The following CFAP47 variants were observed in gnomAD, a reference collection of about 807,000 sequenced individuals.
CFAP47 encodes the protein cilia and flagella associated protein 47, also known as cilia- and flagella-associated protein 47.
CFAP47 carries 29 observed loss-of-function variants against 148.1 expected under a neutral mutation model. The observed-to-expected ratio is 0.20, with a 90% CI of 0.15 to 0.27. The LOEUF (loss-of-function observed/expected upper bound fraction) is 0.27. Ranked by LOEUF, CFAP47 falls within the 10% of genes least tolerant of loss-of-function variation. CFAP47 has a pLI of 1.00. For synonymous variants in CFAP47, 664 were observed against 577.3 expected (o/e 1.15, Z -2.15); for missense variants, 1,872 against 1,697.5 (o/e 1.10, Z -1.81).
chrX:36,258,891 A>C (rs1366620866), intron 49 of CFAP47, among the ~76,000 whole-genome samples: 1 of 112,007 alleles, frequency 8.9e-6, no homozygotes, highest in East Asian at 2.8e-4. Flanking sequence ...GAAGGCAGTA[A>C]ATAAATATTA....
At chrX:35,951,068 A>C in intron 4 of CFAP47, 63 bp from the exon 5 acceptor site, 2 of 838,671 alleles carry the variant, frequency 2.4e-6, no homozygotes, top group Non-Finnish European at 3.4e-6. Flanking sequence ...TGTGGGAGAA[A>C]AACAAAGTAT....
intron 39 of CFAP47, among the ~76,000 whole-genome samples, chrX:36,171,401 G>T (rs1027709451): frequency 1.4e-4 from 16 of 110,395 alleles, no homozygotes; most frequent in Non-Finnish European, 2.5e-4. Context: ...GTAATGCCTA[G>T]GTTTTCTTCT....
At chrX:36,059,146 A>G (rs1296871188) in intron 26 of CFAP47, among the ~76,000 whole-genome samples, 2 of 111,913 alleles carry the variant, frequency 1.8e-5, no homozygotes, top group Non-Finnish European at 3.8e-5. Context: ...TAAAAAAATT[A>G]GAATCGAGCC....
chrX:36,175,243 T>C (rs776636768), intron 39 of CFAP47, among the ~76,000 whole-genome samples: 31 of 111,947 alleles, frequency 2.8e-4, no homozygotes, highest in African/African-American at 9.7e-4. Context: ...GCCTTTGGTT[T>C]GAATGTCCTC....
At chrX:36,217,414 C>T (rs1319617292) in intron 45 of CFAP47, among the ~76,000 whole-genome samples, 3 of 110,648 alleles carry the variant, frequency 2.7e-5, no homozygotes, top group Non-Finnish European at 3.8e-5. Flanking sequence ...GTGGAATTGG[C>T]GTCTTTTATA....
intron 39 of CFAP47, among the ~76,000 whole-genome samples, chrX:36,174,271 C>G (rs1235035355): frequency 2.7e-5 from 3 of 110,622 alleles, no homozygotes; most frequent in South Asian, 4.0e-4. Flanking sequence ...CAGTCTGTGT[C>G]TTTTAATTGG....
chrX:36,311,419 T>A (rs1471629160), intron 56 of CFAP47, among the ~76,000 whole-genome samples: 1 of 111,137 alleles, frequency 9.0e-6, no homozygotes, highest in Non-Finnish European at 1.9e-5. Flanking sequence ...GTCCCTTTTT[T>A]ATGCCATATT....
intron 1 of CFAP47, among the ~76,000 whole-genome samples, chrX:35,920,764 G>A (rs1056387389): frequency 8.1e-5 from 9 of 111,752 alleles, no homozygotes; most frequent in East Asian, 2.8e-4. Flanking sequence ...TAGGAAATGC[G>A]ATAAGAATTT....
rs1556007357 is a variant in CFAP47 at position 36,299,128 on chromosome X, C to A, written c.7838C>A (p.Ala2613Glu). 5 of 1,074,256 alleles carry A rather than the reference C, an allele frequency of 4.7e-6. No individual in the cohort carries two copies. Among genetic ancestry groups the A allele is most frequent in the Non-Finnish European group, 6.2e-6 (5 of 812,345 alleles). 88.5% of individuals were successfully genotyped at this position (1,074,256 alleles called of 1,213,427 possible). The change falls in exon 52 of 64, where the codon GCA becomes GAA. Residue 2613 changes from alanine (A) to glutamate (E), a missense_variant. Transcript: ENST00000378653. ...CTKYIVWYSP[A>E]TTGYSDESII... ...AAATATATTGTATGGTATTCTCCAG[C>A]AACTACAGGCTACAGCGATGAAAGG...
intron 62 of CFAP47, among the ~76,000 whole-genome samples, chrX:36,369,252 TA>T (rs1266616829): frequency 8.8e-4 from 96 of 109,221 alleles, no homozygotes; most frequent in Non-Finnish European, 1.6e-3. Flanking sequence ...ATTCAAAATA[TA>T]AAAAAAAACA....
intron 1 of CFAP47, among the ~76,000 whole-genome samples, chrX:35,922,545 A>G (rs1394102154): frequency 3.5e-5 from 4 of 112,872 alleles, no homozygotes; most frequent in Admixed American, 2.8e-4. Flanking sequence ...AAGATAGTCA[A>G]ACCTGATATG....
At chrX:36,082,234 G>A (rs1273153221) in intron 29 of CFAP47, among the ~76,000 whole-genome samples, 2 of 110,621 alleles carry the variant, frequency 1.8e-5, no homozygotes, top group East Asian at 5.7e-4. Context: ...AATATAACAG[G>A]CCTGAGATAA....
At chrX:36,232,111 G>T (rs782807582) in intron 46 of CFAP47, among the ~76,000 whole-genome samples, 2 of 111,295 alleles carry the variant, frequency 1.8e-5, no homozygotes, top group Non-Finnish European at 3.8e-5. Context: ...TTGGTATCAG[G>T]ATGATGCCGG....
chrX:36,362,731 C>T (rs1941839562), intron 61 of CFAP47, among the ~76,000 whole-genome samples: 1 of 111,558 alleles, frequency 9.0e-6, no homozygotes, highest in African/African-American at 3.3e-5. Flanking sequence ...TTCTAAAGTT[C>T]AACCTTGTAT....
At chrX:36,077,796 G>A (rs1046272263) in intron 29 of CFAP47, among the ~76,000 whole-genome samples, 1 of 111,149 alleles carries the variant, frequency 9.0e-6, no homozygotes, top group African/African-American at 3.3e-5. Context: ...GGAGGCTGAG[G>A]TGGGTGGATT....
chrX:36,144,792 C>A (rs374722106), intron 35 of CFAP47: 1 of 1,026,113 alleles, frequency 9.7e-7, no homozygotes, highest in East Asian at 6.1e-5. Flanking sequence ...TTTTCTCCTT[C>A]TGCCCTTGGA....
intron 33 of CFAP47, among the ~76,000 whole-genome samples, chrX:36,124,429 T>G (rs1273873173): frequency 1.8e-5 from 2 of 111,677 alleles, no homozygotes; most frequent in Non-Finnish European, 3.8e-5. Context: ...GTGAGCCTTG[T>G]GCAAGCTCAA....
chrX:36,209,980 G>T (rs782697317), intron 45 of CFAP47, among the ~76,000 whole-genome samples: 5 of 111,547 alleles, frequency 4.5e-5, no homozygotes, highest in Non-Finnish European at 9.4e-5. Flanking sequence ...GAGATCTCAT[G>T]TAAAATGAAT....
At chrX:36,345,581 G>A (rs1941690587) in intron 57 of CFAP47, among the ~76,000 whole-genome samples, 1 of 111,659 alleles carries the variant, frequency 9.0e-6, no homozygotes, top group South Asian at 3.7e-4. Flanking sequence ...TCCACCGCCT[G>A]GGGGTTGGGG....
Sources: gnomAD v4.1 joint callset for allele counts (sites outside exome capture counted in the v4.1 genomes callset) on GRCh38, gnomAD v4.1.1 for gene constraint, MANE v1.5 for transcripts, NCBI Gene and HGNC (gene_info 2026-07-23, HGNC 2026-07-21) for gene names.